Variants in MSRA observed in about 807,000 individuals in gnomAD.
The protein encoded by MSRA is mitochondrial peptide methionine sulfoxide reductase.
In MSRA, 54 loss-of-function variants were observed where a neutral mutation model predicts 31.3. The observed-to-expected ratio is 1.73, with a 90% confidence interval of 1.39 to 2.17. The LOEUF (loss-of-function observed/expected upper bound fraction) is 2.17. Among genes scored for constraint, MSRA ranks in the 30% most tolerant of loss-of-function variants. MSRA has a pLI of 0.00. For synonymous variants in MSRA, 169 were observed against 116.5 expected (o/e 1.45, Z -2.90); for missense variants, 507 against 300.9 (o/e 1.69, Z -5.07).
At position 10,369,027 on chromosome 8, in the gene MSRA, A is replaced by G. The variant is rs138272470; in HGVS notation, c.543+49038A>G. On this transcript the variant is annotated intron_variant, in intron 5 of 5. Coordinates refer to ENST00000317173, the MANE Select transcript of MSRA (RefSeq NM_012331.5). Reference sequence around the variant, plus strand: ...TGTTGAAACAATAGGCCTGAAGTCCAAAAGCTAAAAGAATAAGTGTTAGAA... The same window carrying G: ...TGTTGAAACAATAGGCCTGAAGTCCGAAAGCTAAAAGAATAAGTGTTAGAA... Among the ~76,000 whole-genome samples, 3 of 152,348 alleles carry G rather than the reference A, an allele frequency of 2.0e-5. No individual in the cohort carries two copies. The East Asian group carries it at 5.8e-4, about 29-fold the overall frequency.
At chr8:10,321,080 A>G (rs940349917) in intron 5 of MSRA, among the ~76,000 whole-genome samples, 3 of 152,216 alleles carry the variant, frequency 2.0e-5, no homozygotes, top group Non-Finnish European at 2.9e-5. Context: ...GTTCTCGGAA[A>G]TATATACATG....
intron 3 of MSRA, among the ~76,000 whole-genome samples, chr8:10,286,754 C>A (rs1051680151): frequency 6.6e-6 from 1 of 152,342 alleles, no homozygotes; most frequent in South Asian, 2.1e-4. Context: ...TCATTGGCTT[C>A]AAGCCAAGAT....
At chr8:10,155,187 T>C (rs189001988) in intron 1 of MSRA, among the ~76,000 whole-genome samples, 36 of 152,196 alleles carry the variant, frequency 2.4e-4, no homozygotes, top group Admixed American at 1.8e-3. Flanking sequence ...CTTTTTTAAG[T>C]AGGCTTATGT....
intron 2 of MSRA, among the ~76,000 whole-genome samples, chr8:10,215,002 A>T (rs1809862700): frequency 6.6e-6 from 1 of 152,218 alleles, no homozygotes; most frequent in Non-Finnish European, 1.5e-5. Context: ...GCTGGTCCAG[A>T]AAAGAACAAA....
intron 5 of MSRA, among the ~76,000 whole-genome samples, chr8:10,412,041 A>C (rs1256498134): frequency 6.6e-6 from 1 of 152,258 alleles, no homozygotes; most frequent in African/African-American, 2.4e-5. Context: ...ATTACAGCAG[A>C]AATCTTCTGA....
chr8:10,288,010 C>G (rs1342989454), intron 3 of MSRA, among the ~76,000 whole-genome samples: 2 of 152,156 alleles, frequency 1.3e-5, no homozygotes, highest in Non-Finnish European at 2.9e-5. Context: ...GTGCTCAGAG[C>G]TCATGCTAGG....
At chr8:10,350,552 C>T (rs899824672) in intron 5 of MSRA, among the ~76,000 whole-genome samples, 3 of 152,220 alleles carry the variant, frequency 2.0e-5, no homozygotes, top group Admixed American at 6.5e-5. Context: ...GGACGACCAT[C>T]GATGTCTCAC....
At chr8:10,096,819 A>G (rs1799185032) in intron 1 of MSRA, among the ~76,000 whole-genome samples, 1 of 152,198 alleles carries the variant, frequency 6.6e-6, no homozygotes. Context: ...GGCATGTGTT[A>G]CTGTGGATCA....
intron 4 of MSRA, among the ~76,000 whole-genome samples, chr8:10,319,565 C>G (rs1028026187): frequency 1.3e-5 from 2 of 151,342 alleles, no homozygotes; most frequent in African/African-American, 4.9e-5. Context: ...TTACATGTGA[C>G]AATTGGAGTA....
At chr8:10,424,913 A>G (rs1305061675) in intron 5 of MSRA, among the ~76,000 whole-genome samples, 1 of 152,220 alleles carries the variant, frequency 6.6e-6, no homozygotes, top group African/African-American at 2.4e-5. Context: ...CCCGGGGGAC[A>G]GCGAAGGAGC....
chr8:10,285,297 C>G (rs1419759248), intron 3 of MSRA, among the ~76,000 whole-genome samples: 3 of 152,150 alleles, frequency 2.0e-5, no homozygotes, highest in Non-Finnish European at 2.9e-5. Context: ...TTTTTAACAA[C>G]TTTCTTTTAT....
chr8:10,161,802 G>T (rs190791947), intron 1 of MSRA, among the ~76,000 whole-genome samples: 1 of 151,864 alleles, frequency 6.6e-6, no homozygotes, highest in East Asian at 1.9e-4. Flanking sequence ...TTCAGCTTTG[G>T]AGTGGGACCT....
At chr8:10,364,056 G>T (rs1332831764) in intron 5 of MSRA, among the ~76,000 whole-genome samples, 1 of 151,954 alleles carries the variant, frequency 6.6e-6, no homozygotes, top group Non-Finnish European at 1.5e-5. Flanking sequence ...CAGAGAAAAC[G>T]GTCCACACAC....
rs1806114176 is a variant in MSRA at position 10,177,073 on chromosome 8, A to ATTACGTGCTG, written c.143-30757_143-30748dup. ...ATGGTTCTCAAGACTTGTTCAGTTT[A>ATTACGTGCTG]TTACGTGCTGTTTGCTGTTTGATTC... On this transcript the variant is annotated intron_variant, in intron 1 of 5. Transcript: ENST00000317173. 2.6e-5 allele frequency among the ~76,000 whole-genome samples: 4 copies of ATTACGTGCTG among 152,314 alleles called. No homozygotes were observed. In the South Asian group the frequency reaches 8.3e-4, roughly 32 times the overall value.
At chr8:10,235,806 T>C (rs1410966842) in intron 2 of MSRA, among the ~76,000 whole-genome samples, 3 of 152,110 alleles carry the variant, frequency 2.0e-5, no homozygotes, top group Admixed American at 2.0e-4. Context: ...CCAACCAATT[T>C]TCTGAGGCCA....
chr8:10,316,606 C>G (rs149728840), intron 4 of MSRA, among the ~76,000 whole-genome samples: 1 of 148,066 alleles, frequency 6.8e-6, no homozygotes, highest in African/African-American at 2.5e-5. Context: ...CTCCCTCTCT[C>G]CCTTCCTCCC....
At chr8:10,376,352 C>G (rs1805755975) in intron 5 of MSRA, among the ~76,000 whole-genome samples, 1 of 152,198 alleles carries the variant, frequency 6.6e-6, no homozygotes, top group African/African-American at 2.4e-5. Context: ...ATCTGTAGGA[C>G]TGCGCCTGTA....
intron 1 of MSRA, among the ~76,000 whole-genome samples, chr8:10,086,107 CT>C (rs916713002): frequency 6.6e-6 from 1 of 152,138 alleles, no homozygotes; most frequent in Non-Finnish European, 1.5e-5. Context: ...ATCAGTGTAA[CT>C]TTTTAAGAAA....
chr8:10,207,096 T>G (rs1809057749), intron 1 of MSRA, among the ~76,000 whole-genome samples: 1 of 152,232 alleles, frequency 6.6e-6, no homozygotes, highest in Non-Finnish European at 1.5e-5. Flanking sequence ...TGCTCATAGA[T>G]GGGGAATACT....
Sources: allele counts gnomAD v4.1 joint callset (sites outside exome capture counted in the v4.1 genomes callset), GRCh38; gene constraint gnomAD v4.1.1; transcripts MANE v1.5; gene names NCBI Gene and HGNC (gene_info 2026-07-23, HGNC 2026-07-21).